COL6A6: variants seen among roughly 807,000 people sequenced by gnomAD.
The protein encoded by COL6A6 is collagen alpha-6(VI) chain.
Under a neutral mutation model 208.6 loss-of-function variants are expected in COL6A6, and 183 were observed. That is an observed-to-expected ratio of 0.88 (90% CI 0.78 to 0.99). The LOEUF (loss-of-function observed/expected upper bound fraction) is 0.99, where lower values mean the gene tolerates loss of function less well. Ranked by LOEUF, COL6A6 falls within the 50% of genes least tolerant of loss-of-function variation. COL6A6 has a pLI of 0.00. For missense variants in COL6A6, 2,816 were observed against 2,815.2 expected (o/e 1.00, Z -0.01); for synonymous variants, 973 against 1,011.8 (o/e 0.96, Z 0.73).
At chr3:130,658,376 T>C (rs2065851063) in intron 33 of COL6A6, among the ~76,000 whole-genome samples, 1 of 152,232 alleles carries the variant, frequency 6.6e-6, no homozygotes, top group Non-Finnish European at 1.5e-5. Context: ...CACTGTACTG[T>C]CTGTGCAAGC....
chr3:130,547,392 G>A (rs2062537948), intron 1 of COL6A6, among the ~76,000 whole-genome samples: 2 of 152,256 alleles, frequency 1.3e-5, no homozygotes, highest in African/African-American at 2.4e-5. Flanking sequence ...CTGGGAACTC[G>A]CACTGGCCTG....
At chr3:130,521,239 CTTA>C (rs888777153) in intron 1 of COL6A6, among the ~76,000 whole-genome samples, 25 of 152,154 alleles carry the variant, frequency 1.6e-4, no homozygotes, top group African/African-American at 5.8e-4. Flanking sequence ...AAGCTAATCA[CTTA>C]TTTAGTCCGT....
chr3:130,649,577 C>G lies in COL6A6; in HGVS notation c.5733+15C>G. Reference sequence around the variant, plus strand: ...GCGCATTTGCGGTATGAGGATGAAACCTTTCACATGACAATTCTTACTTAT... The same window carrying G: ...GCGCATTTGCGGTATGAGGATGAAAGCTTTCACATGACAATTCTTACTTAT... On this transcript the variant is annotated intron_variant, in intron 33 of 36. Coordinates refer to ENST00000358511, the MANE Select transcript of COL6A6 (RefSeq NM_001102608.3). The G allele has an allele frequency of 6.5e-7, 1 of 1,550,274 alleles. No individual in the cohort carries two copies. The highest frequency in any genetic ancestry group is 1.2e-5 in the South Asian group (1 of 83,810).
intron 18 of COL6A6, among the ~76,000 whole-genome samples, chr3:130,595,998 G>A (rs1171667924): frequency 6.6e-6 from 1 of 152,198 alleles, no homozygotes; most frequent in African/African-American, 2.4e-5. Flanking sequence ...TGATAAGGAT[G>A]TGGGACACCT....
At chr3:130,547,941 G>A (rs1047369583) in intron 1 of COL6A6, among the ~76,000 whole-genome samples, 1 of 152,196 alleles carries the variant, frequency 6.6e-6, no homozygotes, top group Non-Finnish European at 1.5e-5. Context: ...GGCACTACAG[G>A]CACCTGCCAT....
chr3:130,578,148 TAGC>T (rs2063337838), intron 8 of COL6A6, among the ~76,000 whole-genome samples: 1 of 152,144 alleles, frequency 6.6e-6, no homozygotes, highest in African/African-American at 2.4e-5. Flanking sequence ...CATGATTAGG[TAGC>T]AGAGAATCAG....
chr3:130,522,558 G>A (rs1051246017), intron 1 of COL6A6, among the ~76,000 whole-genome samples: 2 of 152,058 alleles, frequency 1.3e-5, no homozygotes, highest in Admixed American at 6.5e-5. Context: ...AATCCATACC[G>A]CCAGGCCAGA....
At chr3:130,526,369 T>C (rs908897686) in intron 1 of COL6A6, among the ~76,000 whole-genome samples, 2 of 151,224 alleles carry the variant, frequency 1.3e-5, no homozygotes, top group Non-Finnish European at 2.9e-5. Context: ...ATGAGGAGAG[T>C]AAAGATGAGA....
chr3:130,528,668 T>C (rs910179045), intron 1 of COL6A6, among the ~76,000 whole-genome samples: 3 of 152,198 alleles, frequency 2.0e-5, no homozygotes, highest in Non-Finnish European at 4.4e-5. Context: ...AATCAGGTGG[T>C]ATTGGTTCTT....
At chr3:130,593,843 A>G (rs1282796489) in intron 17 of COL6A6, among the ~76,000 whole-genome samples, 3 of 152,212 alleles carry the variant, frequency 2.0e-5, no homozygotes, top group African/African-American at 7.2e-5. Context: ...AGCACATTGA[A>G]GAGTGAATGT....
intron 1 of COL6A6, among the ~76,000 whole-genome samples, chr3:130,544,448 G>A (rs541608402): frequency 3.9e-5 from 6 of 152,088 alleles, no homozygotes; most frequent in East Asian, 1.9e-4. Flanking sequence ...CACTTCAGTC[G>A]TTTTCGTATG....
rs2065102295 is a variant in COL6A6 at position 130,636,041 on chromosome 3, A to T, written c.5091+280A>T. 2.0e-5 allele frequency among the ~76,000 whole-genome samples: 3 copies of T among 152,228 alleles called. No homozygotes were observed. The South Asian group carries it at 6.2e-4, about 32-fold the overall frequency. Reference sequence around the variant, plus strand: ...AGATTTTTTAAAAGAAATCCTTGTGATTCAAAACAGCTTTTACACTGCCAA... The same window carrying T: ...AGATTTTTTAAAAGAAATCCTTGTGTTTCAAAACAGCTTTTACACTGCCAA... On this transcript the variant is annotated intron_variant, in intron 28 of 36. Transcript: ENST00000358511.
intron 18 of COL6A6, among the ~76,000 whole-genome samples, chr3:130,595,934 G>A (rs780891422): frequency 6.6e-5 from 10 of 152,070 alleles, no homozygotes; most frequent in African/African-American, 1.7e-4. Flanking sequence ...GTATGAGAAC[G>A]GTATTACACA....
chr3:130,675,157 T>A, intron 36 of COL6A6, 45 bp from the exon 37 acceptor site: 2 of 1,264,226 alleles, frequency 1.6e-6, no homozygotes, highest in Non-Finnish European at 2.1e-6. Flanking sequence ...TCTATTAAAG[T>A]TGAAATGGCA....
At chr3:130,534,489 T>C (rs147151866) in intron 1 of COL6A6, among the ~76,000 whole-genome samples, 24 of 152,322 alleles carry the variant, frequency 1.6e-4, no homozygotes, top group African/African-American at 5.3e-4. Flanking sequence ...TCCTTTATGA[T>C]TTATACTTAC....
At chr3:130,520,226 T>C (rs1710983542) in intron 1 of COL6A6, among the ~76,000 whole-genome samples, 1 of 152,230 alleles carries the variant, frequency 6.6e-6, no homozygotes, top group Non-Finnish European at 1.5e-5. Flanking sequence ...AATGTCTTTC[T>C]ACTTTCAGCA....
Position 130,608,763 on chromosome 3 carries a change from CTTTTTTTTTT to C in COL6A6, c.4690-121_4690-112del, listed in dbSNP as rs752049202. On this transcript the variant is annotated intron_variant, in intron 21 of 36. Coordinates refer to ENST00000358511, the MANE Select transcript of COL6A6 (RefSeq NM_001102608.3). ...CTTTGTATTTGCATTTATTTTTCAC[CTTTTTTTTTT>C]TTTTTTTTTTTTTTTTTGCAAAGAT... is the stretch of plus-strand genomic sequence containing the variant. 2.5e-4 allele frequency: 78 copies of C among 310,158 alleles called. No individual in the cohort carries two copies. In the African/African-American group the frequency reaches 4.0e-3, roughly 16 times the overall value. The allele number at this position is 310,158 out of a possible 1,614,324, so 19.2% of individuals were successfully genotyped here.
At chr3:130,547,445 C>G (rs1458279769) in intron 1 of COL6A6, among the ~76,000 whole-genome samples, 1 of 152,232 alleles carries the variant, frequency 6.6e-6, no homozygotes, top group Non-Finnish European at 1.5e-5. Flanking sequence ...GTGCCTCTCC[C>G]TCCACACCTC....
intron 1 of COL6A6, among the ~76,000 whole-genome samples, chr3:130,540,334 C>T (rs377032496): frequency 2.0e-5 from 3 of 152,302 alleles, no homozygotes; most frequent in Middle Eastern, 3.4e-3. Context: ...AACCTGCCTA[C>T]GCTGGCACAT....
Sources: gnomAD v4.1 joint callset for allele counts (sites outside exome capture counted in the v4.1 genomes callset) on GRCh38, gnomAD v4.1.1 for gene constraint, MANE v1.5 for transcripts, NCBI Gene and HGNC (gene_info 2026-07-23, HGNC 2026-07-21) for gene names.